SLC4A4: variants seen among roughly 807,000 people sequenced by gnomAD.
SLC4A4 encodes solute carrier family 4 member 4, also known as electrogenic sodium bicarbonate cotransporter 1.
Under a neutral mutation model 111.5 loss-of-function variants are expected in SLC4A4, and 27 were observed. The observed-to-expected ratio is 0.24, with a 90% CI of 0.18 to 0.33. SLC4A4 has a LOEUF of 0.33. Among genes scored for constraint, SLC4A4 ranks in the 10% least tolerant of loss-of-function variants. The pLI, the probability that SLC4A4 is intolerant of heterozygous loss-of-function variation, is 1.00. For synonymous variants in SLC4A4, 443 were observed against 463.4 expected (o/e 0.96, Z 0.57); for missense variants, 909 against 1,315.5 (o/e 0.69, Z 4.78).
intron 2 of SLC4A4, among the ~76,000 whole-genome samples, chr4:71,127,385 T>C (rs57256101): frequency 0.027 from 4,160 of 152,300 alleles, 207 homozygotes; most frequent in African/African-American, 0.096. Context: ...GAATAAAGTA[T>C]AGAACATTGC....
chr4:71,443,538 A>C (rs531134206), intron 8 of SLC4A4, among the ~76,000 whole-genome samples: 1 of 152,204 alleles, frequency 6.6e-6, no homozygotes, highest in Non-Finnish European at 1.5e-5. Context: ...AAGATTCAGC[A>C]TCAGTGCTGG....
At chr4:71,554,936 G>T (rs1388436386) in intron 20 of SLC4A4, among the ~76,000 whole-genome samples, 2 of 151,594 alleles carry the variant, frequency 1.3e-5, no homozygotes, top group African/African-American at 4.8e-5. Flanking sequence ...AAAATTGAAA[G>T]TCCATTATAC....
At chr4:71,349,807 C>G (rs1350718185) in intron 4 of SLC4A4, 105 bp from the exon 5 acceptor site, 13 of 1,013,784 alleles carry the variant, frequency 1.3e-5, no homozygotes, top group African/African-American at 4.7e-5. Flanking sequence ...CAAAAAGAGA[C>G]ATTTTGGAAG....
chr4:71,448,960 T>G (rs1725513550), intron 9 of SLC4A4, among the ~76,000 whole-genome samples: 1 of 152,218 alleles, frequency 6.6e-6, no homozygotes, highest in Admixed American at 6.5e-5. Context: ...TCATTTTATT[T>G]TTTGCATTTT....
At chr4:71,163,666 G>A (rs1744665044) in intron 2 of SLC4A4, among the ~76,000 whole-genome samples, 1 of 152,168 alleles carries the variant, frequency 6.6e-6, no homozygotes, top group Non-Finnish European at 1.5e-5. Context: ...TATTAATGTA[G>A]TCTGCCTTTA....
At chr4:71,459,437 A>G (rs1364532479) in intron 12 of SLC4A4, among the ~76,000 whole-genome samples, 1 of 152,052 alleles carries the variant, frequency 6.6e-6, no homozygotes, top group African/African-American at 2.4e-5. Flanking sequence ...CTTAAAATTC[A>G]TGTGTATACA....
At chr4:71,487,098 G>A (rs1729476237) in intron 15 of SLC4A4, 80 bp downstream of exon 15, 4 of 833,688 alleles carry the variant, frequency 4.8e-6, no homozygotes, top group Non-Finnish European at 8.1e-6. Context: ...AATATATGAT[G>A]TCTTCTACCA....
chr4:71,313,361 T>C (rs2148857364), intron 3 of SLC4A4, among the ~76,000 whole-genome samples: 1 of 152,268 alleles, frequency 6.6e-6, no homozygotes, highest in East Asian at 1.9e-4. Context: ...CCCAGAGTAA[T>C]TTATAGATTC....
chr4:71,219,835 G>A (rs1718641080), intron 1 of SLC4A4, among the ~76,000 whole-genome samples: 1 of 152,172 alleles, frequency 6.6e-6, no homozygotes, highest in African/African-American at 2.4e-5. Context: ...GATGGACATA[G>A]CAAGAGAACT....
chr4:71,075,673 T>C (rs1435116381), intron 1 of SLC4A4, among the ~76,000 whole-genome samples: 1 of 152,086 alleles, frequency 6.6e-6, no homozygotes, highest in African/African-American at 2.4e-5. Flanking sequence ...CTACCCAATC[T>C]GAAATAGCAA....
intron 4 of SLC4A4, among the ~76,000 whole-genome samples, chr4:71,344,035 T>C (rs2148895039): frequency 6.6e-6 from 1 of 152,234 alleles, no homozygotes; most frequent in South Asian, 2.1e-4. Flanking sequence ...ATGCTTCCTA[T>C]CCCTCATCTT....
At chr4:71,502,195 A>G (rs188887558) in intron 16 of SLC4A4, among the ~76,000 whole-genome samples, 2 of 152,230 alleles carry the variant, frequency 1.3e-5, no homozygotes, top group Admixed American at 1.3e-4. Flanking sequence ...TGTTGATCTC[A>G]AGTGATCCAC....
chr4:71,519,525 G>A (rs1412347853), intron 16 of SLC4A4, among the ~76,000 whole-genome samples: 2 of 152,212 alleles, frequency 1.3e-5, no homozygotes, highest in Admixed American at 6.5e-5. Flanking sequence ...AGGTCAGTGT[G>A]TAACTGTGTA....
At chr4:71,119,825 T>A (rs1743366933) in intron 2 of SLC4A4, among the ~76,000 whole-genome samples, 1 of 152,198 alleles carries the variant, frequency 6.6e-6, no homozygotes, top group Admixed American at 6.5e-5. Context: ...AACGCTGTAG[T>A]ATGTTTAGTC....
At chr4:71,317,414 T>C (rs1343286943) in intron 3 of SLC4A4, among the ~76,000 whole-genome samples, 1 of 152,044 alleles carries the variant, frequency 6.6e-6, no homozygotes, top group East Asian at 1.9e-4. Context: ...CTTAAAGCCA[T>C]TTAAAATCAG....
intron 2 of SLC4A4, among the ~76,000 whole-genome samples, chr4:71,102,988 G>A (rs1343375616): frequency 2.7e-5 from 4 of 149,446 alleles, no homozygotes; most frequent in African/African-American, 9.8e-5. Flanking sequence ...ATTGGATAAA[G>A]AGTCAAGACC....
intron 2 of SLC4A4, among the ~76,000 whole-genome samples, chr4:71,247,340 CAT>C (rs1326075193): frequency 7.4e-5 from 11 of 147,768 alleles, no homozygotes; most frequent in African/African-American, 2.2e-4. Context: ...AATAGATTAA[CAT>C]ATATTAAAAT....
chr4:71,480,385 A>AT (rs1434176253), intron 14 of SLC4A4, among the ~76,000 whole-genome samples: 1 of 151,440 alleles, frequency 6.6e-6, no homozygotes, highest in Non-Finnish European at 1.5e-5. Context: ...AAAAAAAAAA[A>AT]GAAAAACTTA....
rs1206564539 is a variant in SLC4A4 at position 71,190,389 on chromosome 4, C to CAA, written c.-2+2989_-2+2990insAA. Among the ~76,000 whole-genome samples the CAA allele has an allele frequency of 2.9e-4, 5 of 17,142 alleles. No individual in the cohort carries two copies. In the South Asian group the frequency reaches 5.5e-3, roughly 19 times the overall value. The allele number at this position is 17,142 out of a possible 152,430, so 11.2% of individuals were successfully genotyped here. On this transcript the variant is annotated intron_variant, in intron 1 of 25. Coordinates refer to ENST00000264485, the MANE Select transcript of SLC4A4 (RefSeq NM_001098484.3). Reference sequence around the variant, plus strand: ...TCAGTTCTGTCTATGTATGTTTACACACACACACACACACACACACACACA... The same window carrying CAA: ...TCAGTTCTGTCTATGTATGTTTACACAAACACACACACACACACACACACACA...
Sources: allele counts gnomAD v4.1 joint callset (sites outside exome capture counted in the v4.1 genomes callset), GRCh38; gene constraint gnomAD v4.1.1; transcripts MANE v1.5; gene names NCBI Gene and HGNC (gene_info 2026-07-23, HGNC 2026-07-21).